TNS3: variants seen among roughly 807,000 people sequenced by gnomAD.
The protein encoded by TNS3 is tensin 3, also known as tensin-3.
TNS3 carries 45 observed loss-of-function variants against 140.9 expected under a neutral mutation model. The observed-to-expected ratio is 0.32, with a 90% CI of 0.25 to 0.41. The LOEUF (loss-of-function observed/expected upper bound fraction) is 0.41, where lower values mean the gene tolerates loss of function less well. Ranked by LOEUF, TNS3 falls within the 10% of genes least tolerant of loss-of-function variation. TNS3 has a pLI of 1.00. For missense variants in TNS3, 1,716 were observed against 1,906.7 expected (o/e 0.90, Z 1.86); for synonymous variants, 815 against 788.4 (o/e 1.03, Z -0.56).
At chr7:47,357,350 G>A (rs955209257) in intron 17 of TNS3, among the ~76,000 whole-genome samples, 2 of 152,068 alleles carry the variant, frequency 1.3e-5, no homozygotes, top group South Asian at 2.1e-4. Context: ...ACTGCTTCAC[G>A]GTGAGCTTGA....
At chr7:47,480,213 G>A (rs1363483497) in intron 4 of TNS3, among the ~76,000 whole-genome samples, 3 of 152,226 alleles carry the variant, frequency 2.0e-5, no homozygotes, top group Non-Finnish European at 2.9e-5. Flanking sequence ...TGTGTATGGC[G>A]AAGCTAGGGG....
intron 3 of TNS3, among the ~76,000 whole-genome samples, chr7:47,501,182 A>G (rs923560836): frequency 1.6e-5 from 2 of 122,082 alleles, no homozygotes; most frequent in Admixed American, 8.3e-5. Context: ...GAGAGGAAGG[A>G]AGGAAGGGAG....
At chr7:47,385,310 G>C (rs980557092) in intron 16 of TNS3, among the ~76,000 whole-genome samples, 2 of 152,202 alleles carry the variant, frequency 1.3e-5, no homozygotes, top group Middle Eastern at 3.2e-3. Flanking sequence ...GTGTGGTAAA[G>C]ATTAGATATG....
At chr7:47,387,904 T>G (rs902932432) in intron 16 of TNS3, among the ~76,000 whole-genome samples, 2 of 152,168 alleles carry the variant, frequency 1.3e-5, no homozygotes, top group Non-Finnish European at 2.9e-5. Context: ...TCTCTCACAT[T>G]TTGGTTCTGT....
intron 23 of TNS3, among the ~76,000 whole-genome samples, chr7:47,297,533 G>A (rs961039002): frequency 1.3e-4 from 20 of 152,102 alleles, no homozygotes; most frequent in African/African-American, 4.3e-4. Flanking sequence ...AAGAACACAG[G>A]ATTTCTGTTA....
intron 3 of TNS3, among the ~76,000 whole-genome samples, chr7:47,506,700 A>C (rs1344898429): frequency 6.6e-6 from 1 of 152,124 alleles, no homozygotes; most frequent in East Asian, 1.9e-4. Context: ...CAAATTCTTA[A>C]GAATTATTTT....
chr7:47,530,836 AAAAT>A (rs1260580969), intron 1 of TNS3, among the ~76,000 whole-genome samples: 1 of 33,288 alleles, frequency 3.0e-5, no homozygotes, highest in Non-Finnish European at 6.2e-5. Flanking sequence ...AAAAAAAAAA[AAAAT>A]ATATATATAT....
In TNS3 at chr7:47,435,369, C is replaced by T. The variant is rs199837393; in HGVS notation, c.237G>A (p.Pro79=). 213 of 1,613,952 alleles carry T rather than the reference C, an allele frequency of 1.3e-4. No homozygotes were observed. The Middle Eastern group carries it at 1.6e-3, about 12-fold the overall frequency. Residue 79 remains proline, a synonymous_variant, in exon 8 of 31, where the codon CCG becomes CCA. Transcript: ENST00000311160. ...MDVGWPELHA[P]PLDKMCTICK... ...ATATGGTACACATCTTATCCAGGGGCGGTGCGTGGAGCTCTGGCCAGCCCA... is the reference window on the plus strand; with the variant it reads ...ATATGGTACACATCTTATCCAGGGGTGGTGCGTGGAGCTCTGGCCAGCCCA...
chr7:47,469,790 A>C (rs559235420), intron 4 of TNS3, among the ~76,000 whole-genome samples: 14 of 152,224 alleles, frequency 9.2e-5, no homozygotes, highest in East Asian at 7.7e-4. Context: ...CCTGACCAAC[A>C]TGGTGAAACA....
intron 8 of TNS3, among the ~76,000 whole-genome samples, chr7:47,432,614 G>C (rs1794977623): frequency 6.6e-6 from 1 of 152,186 alleles, no homozygotes; most frequent in Non-Finnish European, 1.5e-5. Context: ...CTGATATGAG[G>C]TCTTTCTTAA....
At chr7:47,533,631 T>C (rs1467403615) in intron 1 of TNS3, among the ~76,000 whole-genome samples, 1 of 152,152 alleles carries the variant, frequency 6.6e-6, no homozygotes, top group Non-Finnish European at 1.5e-5. Flanking sequence ...ATCACTGATA[T>C]GGCTTGACTG....
intron 3 of TNS3, among the ~76,000 whole-genome samples, chr7:47,498,371 T>A (rs1042909944): frequency 1.8e-4 from 28 of 152,188 alleles, no homozygotes; most frequent in African/African-American, 6.5e-4. Flanking sequence ...ACCCACATTC[T>A]CCCTCCGGCT....
chr7:47,311,403 T>A (rs936639091), intron 20 of TNS3, among the ~76,000 whole-genome samples: 2 of 31,080 alleles, frequency 6.4e-5, no homozygotes, highest in Admixed American at 2.7e-4. Context: ...TTAAAGAGTG[T>A]GTGTGTGTGT....
intron 20 of TNS3, among the ~76,000 whole-genome samples, chr7:47,306,378 A>G (rs907458435): frequency 2.6e-5 from 4 of 152,216 alleles, no homozygotes; most frequent in African/African-American, 9.6e-5. Context: ...TGCACTATCA[A>G]TTCACAAATG....
chr7:47,499,589 A>G lies in TNS3; in HGVS notation c.-115+7318T>C, dbSNP rs542611325. 1.1e-4 allele frequency among the ~76,000 whole-genome samples: 16 copies of G among 152,336 alleles called. No homozygotes were observed. In the South Asian group the frequency reaches 3.1e-3, roughly 30 times the overall value. The stretch of plus-strand genomic sequence containing the variant: ...AATGACAGGGAAGAAATTTAAATGC[A>G]TATTATCAAGTGAAGGAAGCCCATC... On this transcript the variant is annotated intron_variant, in intron 3 of 30. Coordinates refer to ENST00000311160, the MANE Select transcript of TNS3 (RefSeq NM_022748.12).
chr7:47,437,223 A>G (rs752673410), intron 7 of TNS3, 40 bp downstream of exon 7: 4 of 1,424,316 alleles, frequency 2.8e-6, no homozygotes, highest in Non-Finnish European at 3.8e-6. Flanking sequence ...CATTGTTTAC[A>G]TTTTACAAAA....
intron 17 of TNS3, among the ~76,000 whole-genome samples, chr7:47,349,938 T>C (rs1789566622): frequency 2.0e-5 from 3 of 152,206 alleles, no homozygotes. Context: ...TGCTACGTCT[T>C]TTTTGCAGAC....
chr7:47,277,728 A>C lies in TNS3; in HGVS notation c.*348T>G. On this transcript the variant is annotated 3_prime_UTR_variant, in exon 31 of 31. Transcript: ENST00000311160. ...GGGCTGGGGATTCCTCATCCCCCGG[A>C]ATGCTAGTGTGCCAGGGACATGGGG... The C allele has an allele frequency of 2.9e-6, 1 of 345,764 alleles. No homozygotes were observed. The highest frequency in any genetic ancestry group is 2.6e-5 in the South Asian group (1 of 38,670). The allele number at this position is 345,764 out of a possible 1,614,324, so 21.4% of individuals were successfully genotyped here. A position where few individuals can be genotyped will look rare whatever the true frequency, so the allele number is the denominator to read the frequency against.
At position 47,349,292 on chromosome 7, in the gene TNS3, A is replaced by C. The variant is rs552600228; in HGVS notation, c.2282-2936T>G. ...AAAAAGTCTCAAAAAAAATGTTCTT[A>C]CTGTCCCACCTCCGGTGCTTGTGCT... On this transcript the variant is annotated intron_variant, in intron 17 of 30. Coordinates refer to ENST00000311160, the MANE Select transcript of TNS3 (RefSeq NM_022748.12). Among the ~76,000 whole-genome samples the C allele has an allele frequency of 2.8e-4, 42 of 152,366 alleles. 2 individuals carry two copies. Among genetic ancestry groups the C allele is most frequent in the South Asian group, 2.5e-3 (12 of 4,830 alleles).
Sources: allele counts gnomAD v4.1 joint callset (sites outside exome capture counted in the v4.1 genomes callset), GRCh38; gene constraint gnomAD v4.1.1; transcripts MANE v1.5; gene names NCBI Gene and HGNC (gene_info 2026-07-23, HGNC 2026-07-21).